Variants in MDN1 observed in about 807,000 individuals in gnomAD.
MDN1 encodes midasin.
A neutral mutation model predicts 669.2 loss-of-function variants in MDN1; 266 were observed. The observed-to-expected ratio is 0.40, with a 90% confidence interval of 0.36 to 0.44. The LOEUF (loss-of-function observed/expected upper bound fraction) is 0.44. MDN1 is among the 20% of genes least tolerant of loss of function. The pLI, the probability that MDN1 is intolerant of heterozygous loss-of-function variation, is 1.00. For synonymous variants in MDN1, 2,385 were observed against 2,457.1 expected, an observed-to-expected ratio of 0.97 and a Z score of 0.87; for missense variants, 5,940 against 6,754.0, an observed-to-expected ratio of 0.88 and a Z score of 4.22.
chr6:89,799,632 A>G (rs1006908625), intron 2 of MDN1, among the ~76,000 whole-genome samples: 2 of 152,218 alleles, frequency 1.3e-5, no homozygotes, highest in African/African-American at 4.8e-5. Context: ...GCAGTGAGCC[A>G]AGACCACACC....
intron 79 of MDN1, among the ~76,000 whole-genome samples, 182 bp downstream of exon 79, chr6:89,673,922 C>A (rs1237108958): frequency 6.6e-6 from 1 of 152,100 alleles, no homozygotes; most frequent in Non-Finnish European, 1.5e-5. Flanking sequence ...GTCTCAGAAC[C>A]TGCAGATGAC....
chr6:89,732,713 T>C lies in MDN1; in HGVS notation c.4786A>G (p.Arg1596Gly), dbSNP rs1470589895. ...TCTCTGATACTGACCACACACTTTCTGCCAAACTCTTGGTGGGTCAGCCAG... is the reference window on the plus strand; with the variant it reads ...TCTCTGATACTGACCACACACTTTCCGCCAAACTCTTGGTGGGTCAGCCAG... ...IDWLTHQEFG[R>G]KCVVSIRDIL... The change falls in exon 34 of 102, where the codon AGA (arginine) becomes GGA (glycine). Residue 1596 changes from arginine to glycine, a missense_variant. Around this residue, in one of 5 missense-constraint regions of MDN1, gnomAD observed 2,292 missense variants for 2,638.3 expected, o/e 0.87. Transcript: ENST00000369393. 6.2e-7 allele frequency: 1 copy of C among 1,614,044 alleles called. No individual in the cohort carries two copies. Among genetic ancestry groups the C allele is most frequent in the Non-Finnish European group, 8.5e-7 (1 of 1,179,994 alleles).
intron 38 of MDN1, among the ~76,000 whole-genome samples, chr6:89,723,921 G>C (rs189447709): frequency 3.8e-4 from 58 of 152,254 alleles, no homozygotes; most frequent in Admixed American, 3.7e-3. Context: ...AAGGCAGGTG[G>C]ATCATGAGGT....
At chr6:89,802,860 A>G (rs1322022449) in intron 2 of MDN1, among the ~76,000 whole-genome samples, 1 of 152,194 alleles carries the variant, frequency 6.6e-6, no homozygotes, top group Non-Finnish European at 1.5e-5. Context: ...TAAAAGTCAC[A>G]TTAAAATCCA....
intron 44 of MDN1, 21 bp downstream of exon 44, chr6:89,716,629 G>C: frequency 6.3e-7 from 1 of 1,590,980 alleles, no homozygotes; most frequent in East Asian, 2.3e-5. Flanking sequence ...TTGGACCACT[G>C]ATTAGGCATA....
In MDN1 at chr6:89,700,801, G is replaced by A. The variant is rs773932527; in HGVS notation, c.8483C>T (p.Ala2828Val). The change falls in exon 56 of 102, where the codon GCC becomes GTC. Residue 2828 changes from alanine to valine, a missense_variant. This residue lies in a region of MDN1 where 2,292 missense variants were observed against 2,638.3 expected (regional missense o/e 0.87). Coordinates refer to ENST00000369393, the MANE Select transcript of MDN1 (RefSeq NM_014611.3). ...AAGGGCAGACATCTGCTCCCTGATG[G>A]CAAGGACTTTGTTAAGGACCTTCAG... ...SQLKVLNKVL[A>V]IREQMSALGE... 6.2e-7 allele frequency: 1 copy of A among 1,614,126 alleles called. No individual in the cohort carries two copies. Among genetic ancestry groups the A allele is most frequent in the South Asian group, 1.1e-5 (1 of 91,078 alleles).
At chr6:89,710,816 G>C (rs764026754) in intron 49 of MDN1, 22 bp from the exon 50 acceptor site, 3 of 1,412,962 alleles carry the variant, frequency 2.1e-6, no homozygotes, top group Non-Finnish European at 3.0e-6. Context: ...GGAGAAACCA[G>C]TGTTAGACTC....
At chr6:89,692,272 T>C (rs2128308247) in intron 63 of MDN1, among the ~76,000 whole-genome samples, 171 bp downstream of exon 63, 1 of 151,186 alleles carries the variant, frequency 6.6e-6, no homozygotes, top group East Asian at 1.9e-4. Flanking sequence ...GAGGCAAAGG[T>C]CCCCAAACAT....
Position 89,707,366 on chromosome 6 carries a change from T to G in MDN1, c.8009A>C (p.His2670Pro). The G allele has an allele frequency of 3.1e-6, 5 of 1,600,646 alleles. No homozygotes were observed. The highest frequency in any genetic ancestry group is 4.3e-6 in the Non-Finnish European group (5 of 1,167,784). Residue 2670 changes from histidine (H) to proline (P), a missense_variant, in exon 52 of 102, where the codon CAT becomes CCT. His to Pro is a moderately conservative substitution (Grantham distance 77). Around this residue, in one of 5 missense-constraint regions of MDN1, gnomAD observed 2,292 missense variants for 2,638.3 expected, o/e 0.87. Transcript: ENST00000369393. ...ESVLRMSFEFHQDPESYHTLP... is the reference protein window; with the variant it reads ...ESVLRMSFEFPQDPESYHTLP... ...CAAAAGGTAAATGTTCTTACCTTGATGGAATTCAAAGGACATTCTCAAAAC... is the reference window on the plus strand; with the variant it reads ...CAAAAGGTAAATGTTCTTACCTTGAGGGAATTCAAAGGACATTCTCAAAAC...
At position 89,664,507 on chromosome 6, in the gene MDN1, T is replaced by G; in HGVS notation, c.14216A>C (p.Asp4739Ala). ...MSEDFDGKMH[D>A]GELEEQEEDD... ...GAAACCTTGTTCTTCAAGCTCCCCA[T>G]CATGCATTTTCCCATCAAAATCTTC... is the stretch of plus-strand genomic sequence containing the variant. The change falls in exon 85 of 102, where the codon GAT becomes GCT. Residue 4739 changes from aspartate to alanine, a missense_variant. Asp to Ala is a moderately radical substitution (Grantham distance 126). Coordinates refer to ENST00000369393, the MANE Select transcript of MDN1 (RefSeq NM_014611.3). 6.2e-7 allele frequency: 1 copy of G among 1,614,042 alleles called. No individual in the cohort carries two copies.
intron 11 of MDN1, among the ~76,000 whole-genome samples, chr6:89,779,785 G>A (rs917425522): frequency 1.3e-5 from 2 of 152,172 alleles, no homozygotes; most frequent in African/African-American, 4.8e-5. Context: ...AACAAACCAG[G>A]CCGGGTGCGG....
intron 15 of MDN1, among the ~76,000 whole-genome samples, chr6:89,767,001 T>G (rs1464956858): frequency 1.3e-5 from 2 of 152,240 alleles, no homozygotes; most frequent in Non-Finnish European, 2.9e-5. Flanking sequence ...CCTCAGAGGC[T>G]GCCCCTCTGA....
chr6:89,815,290 G>A (rs886751148), intron 1 of MDN1: 15 of 474,384 alleles, frequency 3.2e-5, no homozygotes, highest in Admixed American at 2.3e-4. Context: ...GCACCTATGG[G>A]GAGCAGGAAT....
chr6:89,788,396 A>G (rs1428027964), intron 7 of MDN1, among the ~76,000 whole-genome samples: 3 of 152,220 alleles, frequency 2.0e-5, no homozygotes, highest in Admixed American at 1.3e-4. Context: ...GCTAAACCTT[A>G]AAGAAGAATG....
At chr6:89,744,524 T>C (rs2128317566) in intron 29 of MDN1, among the ~76,000 whole-genome samples, 1 of 152,110 alleles carries the variant, frequency 6.6e-6, no homozygotes, top group South Asian at 2.1e-4. Context: ...TGCCTCAACC[T>C]CCTGACTAGC....
intron 1 of MDN1, among the ~76,000 whole-genome samples, chr6:89,806,381 G>A (rs1003350672): frequency 5.9e-5 from 9 of 151,992 alleles, no homozygotes; most frequent in African/African-American, 2.2e-4. Flanking sequence ...TGGGCAATGT[G>A]GTAAGATGCC....
In MDN1 at chr6:89,650,718, A is replaced by AG. The variant is rs1808792429; in HGVS notation, c.16031+13dup. 5 of 1,602,062 alleles carry AG rather than the reference A, an allele frequency of 3.1e-6. No individual in the cohort carries two copies. The East Asian group carries it at 1.1e-4, about 36-fold the overall frequency. On this transcript the variant is annotated intron_variant, in intron 96 of 101. Coordinates refer to ENST00000369393, the MANE Select transcript of MDN1 (RefSeq NM_014611.3). ...CTCAGGGCACTGTGAGGCCTTCCAGAGGGGAAGACTTACTTCAGCTTGGCT... is the reference window on the plus strand; with the variant it reads ...CTCAGGGCACTGTGAGGCCTTCCAGAGGGGGAAGACTTACTTCAGCTTGGCT...
At chr6:89,680,525 C>T (rs1811536166) in intron 74 of MDN1, 64 bp downstream of exon 74, 1 of 1,565,368 alleles carries the variant, frequency 6.4e-7, no homozygotes, top group Admixed American at 1.9e-5. Flanking sequence ...GCCACATTCT[C>T]AGCCCTCCTG....
At chr6:89,687,504 G>T in intron 67 of MDN1, 66 bp from the exon 68 acceptor site, 1 of 1,389,866 alleles carries the variant, frequency 7.2e-7, no homozygotes, top group Non-Finnish European at 1.0e-6. Flanking sequence ...CCTTCCTCAA[G>T]AACATCTTGA....
Sources: gnomAD v4.1 joint callset for allele counts (sites outside exome capture counted in the v4.1 genomes callset) on GRCh38, gnomAD v4.1.1 for gene constraint, gnomAD v4.1.1 regional missense constraint, MANE v1.5 for transcripts, NCBI Gene and HGNC (gene_info 2026-07-23, HGNC 2026-07-21) for gene names.